Variants in ROBO2 observed in about 807,000 individuals in gnomAD.
ROBO2 encodes roundabout guidance receptor 2, also known as roundabout homolog 2.
A neutral mutation model predicts 160.8 loss-of-function variants in ROBO2; 53 were observed. The ratio of observed to expected loss-of-function variants is 0.33; its 90% confidence interval spans 0.26 to 0.41. The LOEUF (loss-of-function observed/expected upper bound fraction) is 0.41. Among genes scored for constraint, ROBO2 ranks in the 10% least tolerant of loss-of-function variants. The pLI, the probability that ROBO2 is intolerant of heterozygous loss-of-function variation, is 1.00. For synonymous variants in ROBO2, 664 were observed against 611.7 expected (o/e 1.09, Z -1.26); for missense variants, 1,577 against 1,722.4 (o/e 0.92, Z 1.49).
In ROBO2 at chr3:76,861,173, A is replaced by C. The variant is rs551831216; in HGVS notation, c.110-236841A>C. Among the ~76,000 whole-genome samples, 4 of 152,220 alleles carry C rather than the reference A, an allele frequency of 2.6e-5. No homozygotes were observed. In the East Asian group the frequency reaches 7.7e-4, roughly 29 times the overall value. On this transcript the variant is annotated intron_variant, in intron 2 of 26. Coordinates refer to the ROBO2 transcript ENST00000487694. Reference sequence around the variant, plus strand: ...TTCTTCATAAGCCTTGAACTCCTTCATTTATCTTGAGGAAGTTGAGTATAA... The same window carrying C: ...TTCTTCATAAGCCTTGAACTCCTTCCTTTATCTTGAGGAAGTTGAGTATAA...
At chr3:76,885,266 T>TAA (rs1313777037) in intron 2 of ROBO2, among the ~76,000 whole-genome samples, 1 of 152,178 alleles carries the variant, frequency 6.6e-6, no homozygotes, top group Non-Finnish European at 1.5e-5. Context: ...TAAATTTGAA[T>TAA]AAAATTTAAC....
intron 2 of ROBO2, among the ~76,000 whole-genome samples, chr3:76,476,478 C>G (rs2078937199): frequency 6.6e-6 from 1 of 152,132 alleles, no homozygotes; most frequent in East Asian, 1.9e-4. Context: ...AAACAGTTCT[C>G]TTTTTATTGA....
chr3:77,635,022 C>G, exon 24 of ROBO2: 1 of 1,614,026 alleles, frequency 6.2e-7, no homozygotes, highest in Non-Finnish European at 8.5e-7. Context: ...ATTGCCTCAT[C>G]GAAGGGAAGG....
intron 2 of ROBO2, among the ~76,000 whole-genome samples, chr3:77,279,286 A>G (rs1580614658): frequency 1.3e-5 from 2 of 152,212 alleles, no homozygotes; most frequent in Admixed American, 6.5e-5. Flanking sequence ...AGTTTAATAC[A>G]GTGTACCTTT....
intron 2 of ROBO2, among the ~76,000 whole-genome samples, chr3:76,510,773 A>C (rs1188990371): frequency 1.3e-5 from 2 of 152,090 alleles, no homozygotes; most frequent in African/African-American, 4.8e-5. Flanking sequence ...TTAATGAAAA[A>C]CAGAAAAACA....
At chr3:77,596,224 C>T (rs1240227745) in intron 18 of ROBO2, among the ~76,000 whole-genome samples, 11 of 152,082 alleles carry the variant, frequency 7.2e-5, no homozygotes, top group South Asian at 6.2e-4. Flanking sequence ...GGAACAGATA[C>T]GTAAGGTAGC....
chr3:76,771,431 T>A (rs1223980966), intron 2 of ROBO2, among the ~76,000 whole-genome samples: 1 of 151,344 alleles, frequency 6.6e-6, no homozygotes, highest in Non-Finnish European at 1.5e-5. Flanking sequence ...AGGGTTTGGT[T>A]TGGTTTTTCT....
intron 2 of ROBO2, among the ~76,000 whole-genome samples, chr3:77,260,338 C>A (rs36119989): frequency 0.22 from 33,548 of 152,018 alleles, 4,017 homozygotes; most frequent in Middle Eastern, 0.32. Flanking sequence ...GCATATTGAT[C>A]TCTAAGGGAG....
intron 5 of ROBO2, among the ~76,000 whole-genome samples, chr3:77,517,236 G>C (rs986109439): frequency 6.6e-6 from 1 of 151,528 alleles, no homozygotes; most frequent in Non-Finnish European, 1.5e-5. Flanking sequence ...ATGTATAAGG[G>C]AATGATATTT....
intron 20 of ROBO2, chr3:77,603,609 A>G (rs1324396463): frequency 1.3e-5 from 2 of 153,042 alleles, no homozygotes; most frequent in African/African-American, 4.8e-5. Context: ...TAATTCTTTT[A>G]TGGTATAAAT....
chr3:76,273,120 A>AATATAT (rs749043409), intron 2 of ROBO2, among the ~76,000 whole-genome samples: 1,043 of 32,300 alleles, frequency 0.032, 26 homozygotes, highest in South Asian at 0.11. Flanking sequence ...CACACATATA[A>AATATAT]ATATATATAT....
chr3:76,905,623 A>T (rs1319590265), intron 2 of ROBO2, among the ~76,000 whole-genome samples: 1 of 152,122 alleles, frequency 6.6e-6, no homozygotes, highest in Non-Finnish European at 1.5e-5. Flanking sequence ...GGATTACCTC[A>T]TTAAAAACAA....
At chr3:76,678,613 T>G (rs2092474585) in intron 2 of ROBO2, among the ~76,000 whole-genome samples, 1 of 152,194 alleles carries the variant, frequency 6.6e-6, no homozygotes, top group Non-Finnish European at 1.5e-5. Context: ...TTTTTACAAT[T>G]ACTCTTTATT....
At chr3:77,130,363 T>A (rs2075742634) in intron 2 of ROBO2, among the ~76,000 whole-genome samples, 1 of 152,226 alleles carries the variant, frequency 6.6e-6, no homozygotes, top group African/African-American at 2.4e-5. Flanking sequence ...ATTAAGAAAG[T>A]CACTTGAATT....
intron 6 of ROBO2, among the ~76,000 whole-genome samples, chr3:77,534,437 G>C (rs951094607): frequency 6.6e-6 from 1 of 152,032 alleles, no homozygotes; most frequent in Non-Finnish European, 1.5e-5. Flanking sequence ...TTCACTGGCT[G>C]TGTCCAGAAA....
intron 2 of ROBO2, among the ~76,000 whole-genome samples, chr3:77,282,852 A>C (rs1051665969): frequency 6.6e-6 from 1 of 152,000 alleles, no homozygotes; most frequent in Non-Finnish European, 1.5e-5. Context: ...TCTAGAGTGA[A>C]CGCTTTACTA....
intron 2 of ROBO2, among the ~76,000 whole-genome samples, chr3:76,916,302 G>T (rs893402481): frequency 8.5e-5 from 13 of 152,152 alleles, no homozygotes; most frequent in African/African-American, 3.1e-4. Flanking sequence ...TGAAGAAAAT[G>T]AAATTGTTAG....
intron 2 of ROBO2, among the ~76,000 whole-genome samples, chr3:77,416,468 C>T (rs1161969756): frequency 4.6e-5 from 7 of 152,014 alleles, no homozygotes; most frequent in Admixed American, 4.6e-4. Flanking sequence ...CCTGTAATCC[C>T]AGCACTTTAG....
intron 2 of ROBO2, among the ~76,000 whole-genome samples, chr3:77,279,814 A>G (rs1436517031): frequency 6.6e-6 from 1 of 152,150 alleles, no homozygotes; most frequent in Non-Finnish European, 1.5e-5. Context: ...CTAGAATGCT[A>G]TAGTCAGGAC....
Sources: gnomAD v4.1 joint callset for allele counts (sites outside exome capture counted in the v4.1 genomes callset) on GRCh38, gnomAD v4.1.1 for gene constraint, MANE v1.5 for transcripts, NCBI Gene and HGNC (gene_info 2026-07-23, HGNC 2026-07-21) for gene names.